Variants in COL25A1 observed in about 807,000 individuals in gnomAD.
COL25A1 encodes the protein collagen alpha-1(XXV) chain.
Under a neutral mutation model 128.4 loss-of-function variants are expected in COL25A1, and 103 were observed. That is an observed-to-expected ratio of 0.80 (90% CI 0.68 to 0.94). COL25A1 has a LOEUF of 0.94. Among genes scored for constraint, COL25A1 ranks in the 40% least tolerant of loss-of-function variants. The pLI, the probability that COL25A1 is intolerant of heterozygous loss-of-function variation, is 0.00. For synonymous variants in COL25A1, 279 were observed against 277.2 expected, an observed-to-expected ratio of 1.01 and a Z score of -0.06; for missense variants, 745 against 840.0, an observed-to-expected ratio of 0.89 and a Z score of 1.40.
intron 8 of COL25A1, 67 bp downstream of exon 8, chr4:108,974,300 A>G: frequency 6.6e-7 from 1 of 1,517,132 alleles, no homozygotes; most frequent in Non-Finnish European, 9.2e-7. Context: ...AAGCTGGGGT[A>G]CTTTCATTCA....
chr4:108,870,427 T>G (rs2125811634), intron 19 of COL25A1, among the ~76,000 whole-genome samples: 1 of 149,906 alleles, frequency 6.7e-6, no homozygotes, highest in Middle Eastern at 3.4e-3. Context: ...CTAGCCCTGG[T>G]GCTCATGAGA....
intron 3 of COL25A1, among the ~76,000 whole-genome samples, chr4:109,079,413 C>T (rs1349046073): frequency 1.3e-5 from 2 of 152,138 alleles, no homozygotes; most frequent in African/African-American, 4.8e-5. Context: ...TGAATTGAGT[C>T]ATACATTCGT....
At chr4:109,025,098 T>G (rs1758130759) in intron 5 of COL25A1, among the ~76,000 whole-genome samples, 1 of 152,216 alleles carries the variant, frequency 6.6e-6, no homozygotes. Flanking sequence ...ACTTACACTT[T>G]TGACTATAAA....
Position 109,080,147 on chromosome 4 carries a change from T to C in COL25A1, c.368-29968A>G, listed in dbSNP as rs1763714160. On this transcript the variant is annotated intron_variant, in intron 3 of 37. Coordinates refer to ENST00000399132, the MANE Select transcript of COL25A1 (RefSeq NM_198721.4). ...GCCAGGTACTGTGCTATTATAGATA[T>C]TAATCACTCTTGTAATCCTTACCTC... Among the ~76,000 whole-genome samples, 6 of 152,140 alleles carry C rather than the reference T, an allele frequency of 3.9e-5. No homozygotes were observed. The South Asian group carries it at 1.2e-3, about 32-fold the overall frequency.
In COL25A1 at chr4:109,044,420, C is replaced by T. The variant is rs571192138; in HGVS notation, c.420+3748G>A. On this transcript the variant is annotated intron_variant, in intron 5 of 37. Coordinates refer to ENST00000399132, the MANE Select transcript of COL25A1 (RefSeq NM_198721.4). ...TTCTTTTTTGTTTCTTTTAATCTTA[C>T]AGTGAGATCTGCCATTATCCCCTGG... Among the ~76,000 whole-genome samples, 66 of 151,326 alleles carry T rather than the reference C, an allele frequency of 4.4e-4. 1 individual carries two copies. The highest frequency in any genetic ancestry group is 1.5e-3 in the African/African-American group (64 of 41,452).
chr4:108,848,197 C>T (rs1266774793), intron 27 of COL25A1, among the ~76,000 whole-genome samples: 1 of 152,096 alleles, frequency 6.6e-6, no homozygotes, highest in African/African-American at 2.4e-5. Context: ...GCCTGTAAAG[C>T]CTAAAGCATT....
At chr4:108,998,156 T>A (rs4956231) in intron 6 of COL25A1, among the ~76,000 whole-genome samples, 121,041 of 152,064 alleles carry the variant, frequency 0.8, 49,330 homozygotes, top group East Asian at 1. Context: ...AATAAAGGGT[T>A]TTGAATTAGG....
intron 15 of COL25A1, among the ~76,000 whole-genome samples, chr4:108,898,128 C>G (rs763085139): frequency 1.3e-5 from 2 of 152,122 alleles, no homozygotes; most frequent in Non-Finnish European, 2.9e-5. Flanking sequence ...AAAAATCCCT[C>G]TATTACAGAA....
chr4:109,209,478 A>G (rs187338708), intron 3 of COL25A1, among the ~76,000 whole-genome samples: 118 of 152,256 alleles, frequency 7.8e-4, no homozygotes, highest in African/African-American at 2.4e-3. Flanking sequence ...TTAAACAGAA[A>G]AGATTAACCA....
chr4:108,893,588 G>A (rs1283296835), intron 16 of COL25A1, among the ~76,000 whole-genome samples: 1 of 152,038 alleles, frequency 6.6e-6, no homozygotes, highest in South Asian at 2.1e-4. Context: ...GTCTGGAAAG[G>A]TTTAGATTAC....
chr4:108,962,010 C>T (rs1287696884), intron 8 of COL25A1, among the ~76,000 whole-genome samples: 1 of 152,148 alleles, frequency 6.6e-6, no homozygotes. Context: ...TTGAAGACAT[C>T]GCAAATGAGA....
intron 3 of COL25A1, among the ~76,000 whole-genome samples, chr4:109,233,758 C>T (rs2126223308): frequency 6.6e-6 from 1 of 152,230 alleles, no homozygotes; most frequent in Admixed American, 6.5e-5. Context: ...CCCCATTACT[C>T]ATGCTGCAGT....
intron 3 of COL25A1, among the ~76,000 whole-genome samples, chr4:109,277,039 G>A (rs1324558580): frequency 6.6e-6 from 1 of 152,116 alleles, no homozygotes; most frequent in East Asian, 1.9e-4. Context: ...GCTCCCGCCT[G>A]GAACTGCTCT....
intron 12 of COL25A1, 41 bp downstream of exon 12, chr4:108,920,537 A>C (rs979246905): frequency 2.0e-6 from 3 of 1,534,856 alleles, no homozygotes; most frequent in Non-Finnish European, 2.7e-6. Flanking sequence ...TTAGGTCATG[A>C]GAGCATAATT....
At chr4:109,049,462 C>T (rs1297460552) in intron 4 of COL25A1, among the ~76,000 whole-genome samples, 10 of 152,108 alleles carry the variant, frequency 6.6e-5, no homozygotes, top group African/African-American at 2.2e-4. Context: ...GGCCTGAAAG[C>T]AAGAATGTCC....
chr4:108,937,887 T>TA (rs111796687), intron 10 of COL25A1, 44 bp from the exon 11 acceptor site: 43,356 of 1,463,914 alleles, frequency 0.03, 712 homozygotes, highest in African/African-American at 0.058. Context: ...TGTAAGTATT[T>TA]AAAAAAAAAC....
chr4:108,996,872 G>A (rs2126022058), intron 6 of COL25A1, among the ~76,000 whole-genome samples: 1 of 152,294 alleles, frequency 6.6e-6, no homozygotes, highest in Admixed American at 6.5e-5. Flanking sequence ...GCTCCTGAAT[G>A]ACTACTGGGT....
At chr4:108,901,374 T>C (rs1263829064) in intron 13 of COL25A1, among the ~76,000 whole-genome samples, 1 of 152,136 alleles carries the variant, frequency 6.6e-6, no homozygotes, top group East Asian at 1.9e-4. Flanking sequence ...ATTTCCTTTG[T>C]TCAGTCTTCT....
At chr4:109,054,430 T>C (rs1449645699) in intron 3 of COL25A1, among the ~76,000 whole-genome samples, 2 of 152,228 alleles carry the variant, frequency 1.3e-5, no homozygotes, top group Non-Finnish European at 2.9e-5. Context: ...TACATTATAC[T>C]AAACAAGTGT....
Sources: allele counts gnomAD v4.1 joint callset (sites outside exome capture counted in the v4.1 genomes callset), GRCh38; gene constraint gnomAD v4.1.1; transcripts MANE v1.5; gene names NCBI Gene and HGNC (gene_info 2026-07-23, HGNC 2026-07-21).